FRMD3: variants seen among roughly 807,000 people sequenced by gnomAD.
The protein encoded by FRMD3 is FERM domain containing 3, also known as FERM domain-containing protein 3.
FRMD3 carries 33 observed loss-of-function variants against 70.2 expected under a neutral mutation model. That is an observed-to-expected ratio of 0.47 (90% CI 0.36 to 0.63). FRMD3 has a LOEUF of 0.63. Ranked by LOEUF, FRMD3 falls within the 20% of genes least tolerant of loss-of-function variation. FRMD3 has a pLI of 0.00. For synonymous variants in FRMD3, 279 were observed against 255.9 expected (o/e 1.09, Z -0.86); for missense variants, 632 against 711.4 (o/e 0.89, Z 1.27).
intron 8 of FRMD3, 54 bp downstream of exon 8, chr9:83,311,833 G>A (rs755828347): frequency 1.8e-5 from 23 of 1,246,298 alleles, no homozygotes; most frequent in Non-Finnish European, 2.5e-5. Flanking sequence ...AGGAGGGGAC[G>A]GAGGAATCAA....
chr9:83,538,256 G>C lies in FRMD3; in HGVS notation c.-25C>G, dbSNP rs760752529. ...TGCACCGCGGCCGTGGGGAGCGAGC[G>C]GGAGGCTCAGGGCCGGCGCGGTGCT... On this transcript the variant is annotated 5_prime_UTR_variant, in exon 1 of 14. Transcript: ENST00000304195. This position sits in a 1 kb window ranked among gnomAD's most constrained non-coding sequence, Gnocchi z 4.7. 2 of 1,543,964 alleles carry C rather than the reference G, an allele frequency of 1.3e-6. No homozygotes were observed. The highest frequency in any genetic ancestry group is 2.4e-5 in the South Asian group (2 of 83,578).
At chr9:83,397,242 A>G (rs1292559207) in intron 1 of FRMD3, among the ~76,000 whole-genome samples, 1 of 152,072 alleles carries the variant, frequency 6.6e-6, no homozygotes, top group Non-Finnish European at 1.5e-5. Flanking sequence ...AGTCCACCAC[A>G]TTTCCGCCTT....
chr9:83,353,571 A>G (rs1824235371), intron 3 of FRMD3, among the ~76,000 whole-genome samples: 1 of 152,208 alleles, frequency 6.6e-6, no homozygotes, highest in African/African-American at 2.4e-5. Context: ...TGTGAATGAT[A>G]AACCCCAGGC....
chr9:83,557,881 C>A, the FRMD3 span, among the ~76,000 whole-genome samples: 1 of 152,296 alleles, frequency 6.6e-6, no homozygotes, highest in Admixed American at 6.5e-5. Context: ...TCAAGTAACA[C>A]ATGTTGTTTA....
At chr9:83,322,141 A>T (rs1157460050) in intron 6 of FRMD3, among the ~76,000 whole-genome samples, 1 of 151,956 alleles carries the variant, frequency 6.6e-6, no homozygotes, top group Non-Finnish European at 1.5e-5. Context: ...TATGGACAAG[A>T]AGATGTGGAT....
intron 1 of FRMD3, among the ~76,000 whole-genome samples, chr9:83,532,631 G>GCACA (rs138470951): frequency 2.0e-5 from 3 of 150,414 alleles, no homozygotes; most frequent in African/African-American, 7.3e-5. Context: ...ACATGTGCAT[G>GCACA]CACACACACA....
chr9:83,246,356 C>T lies in FRMD3; in HGVS notation c.*1562G>A. ...TGCATGGGAAGGCATCAGTACGTTG[C>T]TGATGGTACAATGCTCTAGTACCTT... On this transcript the variant is annotated 3_prime_UTR_variant, in exon 14 of 14. Transcript: ENST00000304195. The T allele has an allele frequency of 1.0e-6, 1 of 983,912 alleles. No individual in the cohort carries two copies. Among genetic ancestry groups the T allele is most frequent in the Non-Finnish European group, 1.2e-6 (1 of 828,654 alleles). The allele number at this position is 983,912 out of a possible 1,614,324, so 60.9% of individuals were successfully genotyped here.
chr9:83,457,820 G>A (rs1021368240), intron 1 of FRMD3, among the ~76,000 whole-genome samples: 3 of 152,054 alleles, frequency 2.0e-5, no homozygotes, highest in Admixed American at 6.5e-5. Context: ...GTAACTATGT[G>A]AGATGATGAG....
chr9:83,489,028 G>A (rs78840892), intron 1 of FRMD3, among the ~76,000 whole-genome samples: 23,146 of 147,570 alleles, frequency 0.16, 2,095 homozygotes, highest in East Asian at 0.33. Context: ...TTGTGTGTGC[G>A]CACCTACACA....
intron 13 of FRMD3, among the ~76,000 whole-genome samples, chr9:83,269,685 G>C (rs1833460108): frequency 1.3e-5 from 2 of 151,906 alleles, no homozygotes; most frequent in South Asian, 4.1e-4. Context: ...CTCTAGCCTG[G>C]GAGACAGAGT....
intron 1 of FRMD3, among the ~76,000 whole-genome samples, chr9:83,425,077 G>A (rs1014751168): frequency 6.6e-6 from 1 of 152,180 alleles, no homozygotes; most frequent in African/African-American, 2.4e-5. Context: ...CCTGCAAGTG[G>A]AATGGCTCAC....
At chr9:83,393,562 A>T (rs1027158018) in intron 1 of FRMD3, among the ~76,000 whole-genome samples, 1 of 146,100 alleles carries the variant, frequency 6.8e-6, no homozygotes, top group African/African-American at 2.6e-5. Context: ...CATAATGTAG[A>T]CGCGGTGGGA....
chr9:83,255,721 T>C (rs1387270176), intron 13 of FRMD3, among the ~76,000 whole-genome samples: 1 of 152,128 alleles, frequency 6.6e-6, no homozygotes, highest in African/African-American at 2.4e-5. Flanking sequence ...AGCATTCCTA[T>C]ACACCAACAA....
chr9:83,271,065 C>A (rs1156563187), intron 13 of FRMD3, among the ~76,000 whole-genome samples: 1 of 152,160 alleles, frequency 6.6e-6, no homozygotes. Context: ...TTTCTATCTG[C>A]AAAATGGTGA....
At chr9:83,494,411 T>A (rs1188930297) in intron 1 of FRMD3, among the ~76,000 whole-genome samples, 2 of 152,168 alleles carry the variant, frequency 1.3e-5, no homozygotes, top group Admixed American at 1.3e-4. Context: ...TTCATGCCAA[T>A]TTGGTTGTTT....
chr9:83,245,993 T>A lies in FRMD3; in HGVS notation c.*1925A>T, dbSNP rs918981676. The A allele has an allele frequency of 5.1e-6, 5 of 984,682 alleles. No individual in the cohort carries two copies. Among genetic ancestry groups the A allele is most frequent in the Non-Finnish European group, 6.0e-6 (5 of 829,480 alleles). 61.0% of individuals were successfully genotyped at this position (984,682 alleles called of 1,614,324 possible). A position where few individuals can be genotyped will look rare whatever the true frequency, so the allele number is the denominator to read the frequency against. On this transcript the variant is annotated 3_prime_UTR_variant, in exon 14 of 14. Transcript: ENST00000304195. ...AGCAAAATAAATCACTGAAAGCATA[T>A]AGGAAAGGAAACCCCTCAAACTTAA...
chr9:83,567,498 G>T, the FRMD3 span, among the ~76,000 whole-genome samples: 1 of 152,300 alleles, frequency 6.6e-6, no homozygotes, highest in East Asian at 1.9e-4. Flanking sequence ...CAAAAAATGG[G>T]TTTTTCTTTT....
intron 12 of FRMD3, chr9:83,297,736 T>C (rs1834732255): frequency 4.2e-6 from 2 of 471,650 alleles, no homozygotes; most frequent in Admixed American, 2.3e-5. Context: ...TACAGTGTGA[T>C]AGCCTGGTTT....
chr9:83,330,274 G>T (rs1836203763), intron 6 of FRMD3, among the ~76,000 whole-genome samples: 1 of 150,208 alleles, frequency 6.7e-6, no homozygotes, highest in African/African-American at 2.5e-5. Context: ...TGAGGCAGGA[G>T]AATTGCTTGA....
Sources: allele counts gnomAD v4.1 joint callset (sites outside exome capture counted in the v4.1 genomes callset), GRCh38; gene constraint gnomAD v4.1.1; non-coding constraint Gnocchi (gnomAD v3.1); transcripts MANE v1.5; gene names NCBI Gene and HGNC (gene_info 2026-07-23, HGNC 2026-07-21).